Variants in CPS1 observed in about 807,000 individuals in gnomAD.
The protein encoded by CPS1 is carbamoyl-phosphate synthase [ammonia], mitochondrial.
CPS1 carries 109 observed loss-of-function variants against 174.6 expected under a neutral mutation model. The observed-to-expected ratio is 0.62, with a 90% confidence interval of 0.53 to 0.73. The LOEUF (loss-of-function observed/expected upper bound fraction) is 0.73. Among genes scored for constraint, CPS1 ranks in the 30% least tolerant of loss-of-function variants. The pLI is 0.00. For missense variants in CPS1, 1,689 were observed against 1,821.9 expected, an observed-to-expected ratio of 0.93 and a Z score of 1.33; for synonymous variants, 637 against 632.0, an observed-to-expected ratio of 1.01 and a Z score of -0.12.
chr2:210,654,818 G>A (rs545958893), intron 29 of CPS1, among the ~76,000 whole-genome samples: 1 of 152,314 alleles, frequency 6.6e-6, no homozygotes, highest in Non-Finnish European at 1.5e-5. Flanking sequence ...TACTGAAGAT[G>A]TTAAATCTTT....
chr2:210,602,426 T>G, intron 16 of CPS1, 96 bp downstream of exon 16: 1 of 1,429,812 alleles, frequency 7.0e-7, no homozygotes, highest in African/African-American at 1.4e-5. Context: ...GAAATTACAT[T>G]TTCTTTATTA....
At chr2:210,675,630 GT>G (rs2105943864) in intron 35 of CPS1, 97 bp from the exon 36 acceptor site, 1 of 738,956 alleles carries the variant, frequency 1.4e-6, no homozygotes, top group East Asian at 2.6e-5. Flanking sequence ...TACTTCTCAT[GT>G]TCAGCAATTT....
chr2:210,658,837 A>G (rs1700812605), intron 31 of CPS1, 149 bp downstream of exon 31: 1 of 692,944 alleles, frequency 1.4e-6, no homozygotes, highest in African/African-American at 1.8e-5. Context: ...AATGATGCAT[A>G]GCATATAATG....
chr2:210,637,217 G>C lies in CPS1; in HGVS notation c.2688-485G>C, dbSNP rs569798734. Among the ~76,000 whole-genome samples the C allele has an allele frequency of 1.2e-4, 18 of 152,250 alleles. No homozygotes were observed. The South Asian group carries it at 3.7e-3, about 32-fold the overall frequency. ...AGGGTAGAGCCGTGGGTAGGGGTAG[G>C]GGGAAACCCAAAACTAGTAAATGGT... On this transcript the variant is annotated intron_variant, in intron 21 of 37. Transcript: ENST00000233072.
intron 14 of CPS1, among the ~76,000 whole-genome samples, chr2:210,599,997 C>A (rs1698654654): frequency 6.6e-6 from 1 of 151,868 alleles, no homozygotes; most frequent in South Asian, 2.1e-4. Flanking sequence ...CTTCATACTT[C>A]TGCTGAGTCT....
rs539260544 is a variant in CPS1, at chr2:210,539,702, G to A, written c.4-17017G>A. Reference sequence around the variant, plus strand: ...TGATATCTGCAGAGCAGCTGAGCTGGTCTGCTCTCTGTGCTGTTGACATCT... The same window carrying A: ...TGATATCTGCAGAGCAGCTGAGCTGATCTGCTCTCTGTGCTGTTGACATCT... On this transcript the variant is annotated intron_variant, in intron 1 of 38. Coordinates refer to the CPS1 transcript ENST00000430249. Among the ~76,000 whole-genome samples, 13 of 152,252 alleles carry A rather than the reference G, an allele frequency of 8.5e-5. 1 individual carries two copies. Among genetic ancestry groups the A allele is most frequent in the African/African-American group, 3.1e-4 (13 of 41,556 alleles).
intron 6 of CPS1, among the ~76,000 whole-genome samples, chr2:210,582,969 G>C (rs1051560722): frequency 2.0e-5 from 3 of 152,024 alleles, no homozygotes; most frequent in Non-Finnish European, 4.4e-5. Context: ...CACCTTTTCT[G>C]ATTCTTCAGC....
chr2:210,489,857 G>A (rs1221456613), intron 1 of CPS1, among the ~76,000 whole-genome samples: 1 of 152,064 alleles, frequency 6.6e-6, no homozygotes, highest in Non-Finnish European at 1.5e-5. Flanking sequence ...AATTAGCCGG[G>A]CGTGGTGGCG....
Position 210,599,458 on chromosome 2 carries a change from C to T in CPS1, c.1446C>T (p.Val482=), listed in dbSNP as rs1427789805. 6.2e-7 allele frequency: 1 copy of T among 1,612,628 alleles called. No homozygotes were observed. Among genetic ancestry groups the T allele is most frequent in the Admixed American group, 1.7e-5 (1 of 59,834 alleles). Residue 482 remains valine (V), a synonymous_variant, in exon 14 of 38, where the codon GTC becomes GTT. Transcript: ENST00000233072. The part of the protein sequence containing the change: ...NEVGLKQADT[V]YFLPITPQFV... ...TGGGCTTAAAGCAAGCGGATACTGT[C>T]TACTTTCTTCCCATCACCCCTCAGT...
chr2:210,667,783 C>T (rs1008067207), intron 33 of CPS1, among the ~76,000 whole-genome samples: 5 of 152,150 alleles, frequency 3.3e-5, no homozygotes, highest in African/African-American at 1.2e-4. Flanking sequence ...ATGACACATA[C>T]TGTTATTTAA....
chr2:210,553,113 A>G (rs1339086971), upstream of CPS1, among the ~76,000 whole-genome samples: 5 of 151,720 alleles, frequency 3.3e-5, no homozygotes, highest in African/African-American at 4.8e-5. Context: ...GTAATCATTT[A>G]AAGTAATGTT....
At chr2:210,546,399 G>A (rs1231535297) in intron 1 of CPS1, among the ~76,000 whole-genome samples, 1 of 152,070 alleles carries the variant, frequency 6.6e-6, no homozygotes, top group Non-Finnish European at 1.5e-5. Context: ...ACTTCGCACT[G>A]TAGTTAAGCA....
intron 21 of CPS1, 21 bp from the exon 22 acceptor site, chr2:210,637,681 C>G: frequency 6.2e-7 from 1 of 1,613,612 alleles, no homozygotes; most frequent in South Asian, 1.1e-5. Flanking sequence ...ACTTGAATCT[C>G]TCTTTTCTAT....
intron 1 of CPS1, among the ~76,000 whole-genome samples, chr2:210,563,637 A>C (rs1697182092): frequency 6.6e-6 from 1 of 152,250 alleles, no homozygotes; most frequent in Non-Finnish European, 1.5e-5. Flanking sequence ...GAATTAGTTC[A>C]GAATGCTGAT....
intron 1 of CPS1, among the ~76,000 whole-genome samples, chr2:210,507,832 C>T (rs1447409061): frequency 6.6e-6 from 1 of 152,084 alleles, no homozygotes; most frequent in Non-Finnish European, 1.5e-5. Flanking sequence ...AGCTAACTAT[C>T]CTAAATATAT....
intron 1 of CPS1, among the ~76,000 whole-genome samples, chr2:210,531,253 A>T: frequency 6.6e-6 from 1 of 152,112 alleles, no homozygotes; most frequent in East Asian, 1.9e-4. Flanking sequence ...GGAAAAAAGT[A>T]CGAGCTCTGG....
intron 1 of CPS1, among the ~76,000 whole-genome samples, chr2:210,478,723 T>C (rs1179031690): frequency 1.3e-5 from 2 of 152,208 alleles, no homozygotes; most frequent in Non-Finnish European, 2.9e-5. Context: ...CCACATTTTA[T>C]TTTATTAGCT....
At chr2:210,492,792 A>G (rs956959296) in intron 1 of CPS1, among the ~76,000 whole-genome samples, 8 of 152,186 alleles carry the variant, frequency 5.3e-5, no homozygotes, top group African/African-American at 1.9e-4. Flanking sequence ...TGTTTTAACA[A>G]ACAATATAAA....
At chr2:210,544,790 A>C (rs2106017794) in intron 1 of CPS1, among the ~76,000 whole-genome samples, 1 of 152,198 alleles carries the variant, frequency 6.6e-6, no homozygotes, top group Middle Eastern at 3.4e-3. Context: ...TAGGTATGTA[A>C]AAATGGTTGT....
Sources: allele counts gnomAD v4.1 joint callset (sites outside exome capture counted in the v4.1 genomes callset), GRCh38; gene constraint gnomAD v4.1.1; transcripts MANE v1.5; gene names NCBI Gene and HGNC (gene_info 2026-07-23, HGNC 2026-07-21).